Variants in DPF3 observed in about 807,000 individuals in gnomAD.
DPF3 encodes the protein zinc finger protein DPF3.
A neutral mutation model predicts 56.8 loss-of-function variants in DPF3; 18 were observed. The ratio of observed to expected loss-of-function variants is 0.32; its 90% CI spans 0.22 to 0.47. DPF3 has a LOEUF of 0.47. Among genes scored for constraint, DPF3 ranks in the 20% least tolerant of loss-of-function variants. The pLI, the probability that DPF3 is intolerant of heterozygous loss-of-function variation, is 1.00. For missense variants in DPF3, 403 were observed against 488.8 expected (o/e 0.82, Z 1.65); for synonymous variants, 188 against 180.2 (o/e 1.04, Z -0.35).
chr14:72,786,187 C>T (rs936499163), intron 1 of DPF3, among the ~76,000 whole-genome samples: 2 of 152,012 alleles, frequency 1.3e-5, no homozygotes, highest in Non-Finnish European at 2.9e-5. Context: ...CGCTTAAACC[C>T]GGGAAGCGGA....
intron 7 of DPF3, among the ~76,000 whole-genome samples, chr14:72,689,409 G>A (rs957680881): frequency 6.6e-6 from 1 of 152,118 alleles, no homozygotes; most frequent in African/African-American, 2.4e-5. Flanking sequence ...CTTCACTGGT[G>A]TCCAGACCTT....
At chr14:72,775,146 T>G (rs1891697702) in intron 1 of DPF3, among the ~76,000 whole-genome samples, 1 of 152,104 alleles carries the variant, frequency 6.6e-6, no homozygotes, top group Non-Finnish European at 1.5e-5. Context: ...TCCCAGGACC[T>G]TCTGACAGAC....
At chr14:72,749,975 C>A (rs1287134699) in intron 3 of DPF3, among the ~76,000 whole-genome samples, 2 of 152,112 alleles carry the variant, frequency 1.3e-5, no homozygotes, top group East Asian at 1.9e-4. Context: ...GCCAGATAAA[C>A]CCTGGGATTT....
At chr14:72,631,820 A>C (rs1291387807) in intron 8 of DPF3, among the ~76,000 whole-genome samples, 1 of 152,242 alleles carries the variant, frequency 6.6e-6, no homozygotes, top group Non-Finnish European at 1.5e-5. Flanking sequence ...GCCATGAAGG[A>C]AAAGCATAAT....
At position 72,637,669 on chromosome 14, in the gene DPF3, G is replaced by C. The variant is rs544150737; in HGVS notation, c.872-7933C>G. ...ATATTAAGTTAAAGCATTGGAATCT[G>C]CTATCCATGAAGCTGTAGCTTTGTC... On this transcript the variant is annotated intron_variant, in intron 8 of 10. Transcript: ENST00000556509. 6.8e-4 allele frequency among the ~76,000 whole-genome samples: 103 copies of C among 152,244 alleles called. 1 individual carries two copies. The highest frequency in any genetic ancestry group is 2.4e-3 in the African/African-American group (100 of 41,548).
At chr14:72,839,263 C>A (rs1428765540) in intron 1 of DPF3, among the ~76,000 whole-genome samples, 2 of 151,954 alleles carry the variant, frequency 1.3e-5, no homozygotes, top group Non-Finnish European at 2.9e-5. Flanking sequence ...AATCGTATTC[C>A]CATTTTCTGA....
chr14:72,713,631 G>A (rs1888754147), intron 6 of DPF3, among the ~76,000 whole-genome samples: 1 of 152,328 alleles, frequency 6.6e-6, no homozygotes, highest in Non-Finnish European at 1.5e-5. Context: ...GGTGAGGGCT[G>A]CCCTCCCATA....
intron 6 of DPF3, among the ~76,000 whole-genome samples, chr14:72,698,553 G>T (rs1888011616): frequency 6.6e-6 from 1 of 152,174 alleles, no homozygotes; most frequent in Non-Finnish European, 1.5e-5. Flanking sequence ...CACGTGTGGT[G>T]GTGCGCACCT....
intron 1 of DPF3, among the ~76,000 whole-genome samples, chr14:72,780,312 C>T (rs1379177178): frequency 6.6e-6 from 1 of 152,170 alleles, no homozygotes; most frequent in Admixed American, 6.5e-5. Flanking sequence ...CTCTGAGCTA[C>T]CTTATCTGTC....
intron 1 of DPF3, among the ~76,000 whole-genome samples, chr14:72,801,515 C>T (rs2140001823): frequency 6.6e-6 from 1 of 152,346 alleles, no homozygotes; most frequent in Middle Eastern, 3.4e-3. Context: ...TATATGCTCA[C>T]AGTTCAGGCA....
chr14:72,737,847 A>G (rs1241944435), intron 3 of DPF3, among the ~76,000 whole-genome samples: 1 of 152,020 alleles, frequency 6.6e-6, no homozygotes, highest in East Asian at 1.9e-4. Flanking sequence ...AGGGAGGGAG[A>G]AATCCCACAG....
rs1019772937 is a variant in DPF3 at position 72,683,627 on chromosome 14, C to G, written c.743-9259G>C. Among the ~76,000 whole-genome samples, 22 of 152,186 alleles carry G rather than the reference C, an allele frequency of 1.4e-4. 1 individual carries two copies. The highest frequency in any genetic ancestry group is 2.8e-4 in the Non-Finnish European group (19 of 68,036). ...AGGTCACACGTTAGTCAGTGGCTCA[C>G]TTGGCTCTGAACCCAAGCAACCGCG... is the stretch of plus-strand genomic sequence containing the variant. On this transcript the variant is annotated intron_variant, in intron 7 of 10. Transcript: ENST00000556509.
At chr14:72,763,137 C>T (rs1891130667) in intron 2 of DPF3, among the ~76,000 whole-genome samples, 1 of 152,122 alleles carries the variant, frequency 6.6e-6, no homozygotes, top group Admixed American at 6.5e-5. Context: ...ATGCCATATT[C>T]ATGGGTTGCA....
intron 8 of DPF3, chr14:72,662,160 A>G: frequency 1.0e-6 from 1 of 985,392 alleles, no homozygotes. Context: ...AGGAAAAAAA[A>G]ACTGAGCACT....
At chr14:72,707,454 A>G (rs1293315366) in intron 6 of DPF3, among the ~76,000 whole-genome samples, 1 of 152,236 alleles carries the variant, frequency 6.6e-6, no homozygotes, top group Non-Finnish European at 1.5e-5. Context: ...TTTTAATAGT[A>G]AACAGATATT....
At chr14:72,817,417 G>C (rs1191664552) in intron 1 of DPF3, among the ~76,000 whole-genome samples, 1 of 152,176 alleles carries the variant, frequency 6.6e-6, no homozygotes, top group Admixed American at 6.5e-5. Flanking sequence ...AGCACTTTAA[G>C]AGGCCAAGGT....
chr14:72,612,993 C>CGTGTGTGTGTGTGT lies in DPF3; in HGVS notation c.*6290_*6303dup, dbSNP rs59321921. Among the ~76,000 whole-genome samples the CGTGTGTGTGTGTGT allele has an allele frequency of 3.3e-4, 49 of 148,952 alleles. No homozygotes were observed. The East Asian group carries it at 4.3e-3, about 13-fold the overall frequency. On this transcript the variant is annotated 3_prime_UTR_variant, in exon 11 of 11. Transcript: ENST00000556509. ...TTTCCCTTTGGTTCATTAAGTAGGGCGTGTGTGTGTGTGTGTGTGTGTGTG... is the reference window on the plus strand; with the variant it reads ...TTTCCCTTTGGTTCATTAAGTAGGGCGTGTGTGTGTGTGTGTGTGTGTGTGTGTGTGTGTGTGTG...
Position 72,617,612 on chromosome 14 carries a change from A to G in DPF3, c.*1685T>C, listed in dbSNP as rs1220804078. 6.6e-6 allele frequency among the ~76,000 whole-genome samples: 1 copy of G among 152,166 alleles called. No individual in the cohort carries two copies. The highest frequency in any genetic ancestry group is 1.5e-5 in the Non-Finnish European group (1 of 68,028). On this transcript the variant is annotated 3_prime_UTR_variant, in exon 11 of 11. Transcript: ENST00000556509. ...AGGAGAGTGACCCCCATCGCTTGCC[A>G]CAGGTCACTCTGCTGAAGCGTGGGG...
intron 1 of DPF3, among the ~76,000 whole-genome samples, chr14:72,824,447 C>T (rs1440096917): frequency 7.2e-5 from 11 of 152,154 alleles, no homozygotes; most frequent in Admixed American, 6.5e-4. Context: ...AAATCATCTC[C>T]TCTGGGAAGT....
Sources: gnomAD v4.1 joint callset for allele counts (sites outside exome capture counted in the v4.1 genomes callset) on GRCh38, gnomAD v4.1.1 for gene constraint, MANE v1.5 for transcripts, NCBI Gene and HGNC (gene_info 2026-07-23, HGNC 2026-07-21) for gene names.